Variants in KCNIP2 observed in about 807,000 individuals in gnomAD.
KCNIP2 encodes the protein potassium voltage-gated channel interacting protein 2, also known as A-type potassium channel modulatory protein KCNIP2.
A neutral mutation model predicts 39.0 loss-of-function variants in KCNIP2; 19 were observed. That is an observed-to-expected ratio of 0.49 (90% CI 0.34 to 0.71). KCNIP2 has a LOEUF of 0.71. KCNIP2 is among the 30% of genes least tolerant of loss of function. KCNIP2 has a pLI of 0.01. For missense variants in KCNIP2, 261 were observed against 346.0 expected (o/e 0.75, Z 1.95); for synonymous variants, 111 against 131.2 (o/e 0.85, Z 1.05).
intron 1 of KCNIP2, among the ~76,000 whole-genome samples, chr10:101,841,912 G>A (rs1181189762): frequency 6.6e-6 from 1 of 152,244 alleles, no homozygotes; most frequent in Non-Finnish European, 1.5e-5. Context: ...AGAATTCATG[G>A]AAGAGCTGGA....
At position 101,828,911 on chromosome 10, in the gene KCNIP2, G is replaced by A. The variant is rs1408265019; in HGVS notation, c.348+164C>T. ...CTGACAGTCTACAGGCGCCACTTCC[G>A]TTCTGGCCCCGCCCCAGAACCTCCA... On this transcript the variant is annotated intron_variant, in intron 4 of 9. Coordinates refer to ENST00000356640, the MANE Select transcript of KCNIP2 (RefSeq NM_173191.3). The surrounding 1 kb of genome is among the most constrained non-coding windows in gnomAD (Gnocchi z 6.6). 5 of 1,516,054 alleles carry A rather than the reference G, an allele frequency of 3.3e-6. No individual in the cohort carries two copies. The highest frequency in any genetic ancestry group is 1.4e-5 in the African/African-American group (1 of 72,414). The allele number at this position is 1,516,054 out of a possible 1,614,324, so 93.9% of individuals were successfully genotyped here.
At chr10:101,837,686 T>C (rs1225841230) in intron 1 of KCNIP2, among the ~76,000 whole-genome samples, 1 of 152,052 alleles carries the variant, frequency 6.6e-6, no homozygotes, top group Admixed American at 6.5e-5. Flanking sequence ...ATAATGATAA[T>C]AATAATGAGT....
intron 2 of KCNIP2, 115 bp from the exon 3 acceptor site, chr10:101,830,012 C>A: frequency 8.2e-7 from 1 of 1,213,076 alleles, no homozygotes; most frequent in Non-Finnish European, 1.2e-6. Flanking sequence ...AAGGCACACC[C>A]AACCAGCACA....
intron 1 of KCNIP2, among the ~76,000 whole-genome samples, chr10:101,836,280 T>TC (rs2066158584): frequency 6.8e-6 from 1 of 147,466 alleles, no homozygotes; most frequent in Non-Finnish European, 1.5e-5. Flanking sequence ...TTCTCTTTTT[T>TC]TTTTTTTTTT....
At chr10:101,829,569 G>A (rs1372111777) in intron 3 of KCNIP2, 1 of 482,532 alleles carries the variant, frequency 2.1e-6, no homozygotes, top group Non-Finnish European at 3.6e-6. Flanking sequence ...CGGGCCTTCG[G>A]GGACCAACTC....
intron 3 of KCNIP2, chr10:101,829,603 C>T (rs1589858827): frequency 5.3e-6 from 1 of 187,384 alleles, no homozygotes; most frequent in East Asian, 1.8e-4. Context: ...CCCAGCCTTG[C>T]CCCGCCCAAA....
At chr10:101,831,271 C>A in intron 1 of KCNIP2, 104 bp from the exon 2 acceptor site, 1 of 888,708 alleles carries the variant, frequency 1.1e-6, no homozygotes. Context: ...GGGGACCGGG[C>A]TGGGGGAGGA....
rs776347690 is a variant in KCNIP2 at position 101,828,684 on chromosome 10, C to T, written c.361G>A (p.Gly121Arg). Residue 121 changes from glycine to arginine, a missense_variant, in exon 5 of 10, where the codon GGA becomes AGA. By Grantham distance (125) the Gly-to-Arg change is moderately radical (BLOSUM62 -2). Coordinates refer to ENST00000356640, the MANE Select transcript of KCNIP2 (RefSeq NM_173191.3). This position sits in a 1 kb window ranked among gnomAD's most constrained non-coding sequence, Gnocchi z 6.6. ...YRGFKNECPS[G>R]IVNEENFKQI... ...TTGAAGTTCTCCTCATTGACAATTC[C>T]GCTGGGACATTCCTGGAAGGAGAGG... 3.1e-6 allele frequency: 5 copies of T among 1,614,132 alleles called. No homozygotes were observed. Among genetic ancestry groups the T allele is most frequent in the East Asian group, 2.2e-5 (1 of 44,870 alleles).
intron 4 of KCNIP2, 35 bp downstream of exon 4, chr10:101,829,040 C>A: frequency 1.9e-6 from 3 of 1,603,646 alleles, no homozygotes; most frequent in Non-Finnish European, 2.6e-6. Context: ...CCTCCTGTCC[C>A]ACCCTCGCTG....
chr10:101,830,331 C>G, intron 2 of KCNIP2: 1 of 1,154,694 alleles, frequency 8.7e-7, no homozygotes, highest in Non-Finnish European at 1.1e-6. Context: ...TCCTCTACAC[C>G]TGTCACCATC....
At chr10:101,833,255 G>C (rs779634949) in intron 1 of KCNIP2, among the ~76,000 whole-genome samples, 1 of 148,970 alleles carries the variant, frequency 6.7e-6, no homozygotes, top group Non-Finnish European at 1.5e-5. Context: ...AAACTCCCAA[G>C]GGGGAGGCAG....
At chr10:101,842,848 C>T (rs1257537627) in intron 1 of KCNIP2, among the ~76,000 whole-genome samples, 1 of 152,200 alleles carries the variant, frequency 6.6e-6, no homozygotes, top group Non-Finnish European at 1.5e-5. Context: ...GCACTGAACA[C>T]TAATCTCACA....
At chr10:101,831,568 G>T (rs1015053758) in intron 1 of KCNIP2, among the ~76,000 whole-genome samples, 2 of 152,060 alleles carry the variant, frequency 1.3e-5, no homozygotes, top group Admixed American at 6.6e-5. Context: ...GTGACATGTA[G>T]AACAATACAT....
rs770579729 is a variant in KCNIP2 at position 101,827,914 on chromosome 10, C to G, written c.677G>C (p.Arg226Thr). 7 of 1,614,018 alleles carry G rather than the reference C, an allele frequency of 4.3e-6. No homozygotes were observed. The highest frequency in any genetic ancestry group is 2.2e-5 in the East Asian group (1 of 44,884). The change falls in exon 8 of 10, where the codon AGG becomes ACG. Residue 226 changes from arginine to threonine, a missense_variant. Physicochemically the swap from Arg to Thr is moderately conservative, Grantham distance 71. Coordinates refer to ENST00000356640, the MANE Select transcript of KCNIP2 (RefSeq NM_173191.3). Reference protein sequence around the residue: ...TYPALREEAPREHVESFFQKM... With the variant: ...TYPALREEAPTEHVESFFQKM... ...CTGGAAGAAGCTCTCCACGTGTTCC[C>G]TTGGGGCCTCCTCCCGGAGTGCAGG...
Position 101,843,247 on chromosome 10 carries a change from C to T in KCNIP2, c.73+249G>A, listed in dbSNP as rs1255935149. On this transcript the variant is annotated intron_variant, in intron 1 of 9. Transcript: ENST00000356640. This position sits in a 1 kb window ranked among gnomAD's most constrained non-coding sequence, Gnocchi z 6.7. ...CGCACGTAACACCTCCCACTCCAGA[C>T]ACCCTCTCAGCCCTGTGTCACATAC... Among the ~76,000 whole-genome samples the T allele has an allele frequency of 1.3e-5, 2 of 152,204 alleles. No homozygotes were observed. The highest frequency in any genetic ancestry group is 2.4e-5 in the African/African-American group (1 of 41,466).
At chr10:101,836,744 C>T (rs1048262754) in intron 1 of KCNIP2, among the ~76,000 whole-genome samples, 3 of 151,634 alleles carry the variant, frequency 2.0e-5, no homozygotes, top group African/African-American at 4.8e-5. Flanking sequence ...AGGTGGATCA[C>T]GAGGTCAGGA....
At chr10:101,830,954 C>G in intron 2 of KCNIP2, 118 bp downstream of exon 2, 1 of 931,728 alleles carries the variant, frequency 1.1e-6, no homozygotes, top group Non-Finnish European at 1.7e-6. Flanking sequence ...CCCCCCCACA[C>G]ATGCAGGCCT....
chr10:101,827,014 C>T lies in KCNIP2; in HGVS notation c.*339G>A. 1 of 232,106 alleles carries T rather than the reference C, an allele frequency of 4.3e-6. No homozygotes were observed. The highest frequency in any genetic ancestry group is 8.3e-6 in the Non-Finnish European group (1 of 120,144). The allele number at this position is 232,106 out of a possible 1,614,324, so 14.4% of individuals were successfully genotyped here. ...TATGAGGTCAGGGATGGGGGAAGCA[C>T]CATAGCAGGAGACATCTGTCTAGTG... On this transcript the variant is annotated 3_prime_UTR_variant, in exon 10 of 10. Transcript: ENST00000356640.
In KCNIP2 at chr10:101,838,163, C is replaced by G. The variant is rs1314869400; in HGVS notation, c.73+5333G>C. Among the ~76,000 whole-genome samples the G allele has an allele frequency of 6.6e-6, 1 of 152,220 alleles. No individual in the cohort carries two copies. The highest frequency in any genetic ancestry group is 1.5e-5 in the Non-Finnish European group (1 of 68,038). Reference sequence around the variant, plus strand: ...GAGAAACTTGCCAGATCCATCCTCCCCAAGCATCCCTGTGCCACGAATTTA... The same window carrying G: ...GAGAAACTTGCCAGATCCATCCTCCGCAAGCATCCCTGTGCCACGAATTTA... On this transcript the variant is annotated intron_variant, in intron 1 of 9. Transcript: ENST00000356640. The surrounding 1 kb of genome is among the most constrained non-coding windows in gnomAD (Gnocchi z 4.0).
Sources: gnomAD v4.1 joint callset for allele counts (sites outside exome capture counted in the v4.1 genomes callset) on GRCh38, gnomAD v4.1.1 for gene constraint, Gnocchi (gnomAD v3.1) non-coding constraint, MANE v1.5 for transcripts, NCBI Gene and HGNC (gene_info 2026-07-23, HGNC 2026-07-21) for gene names.